ARFGAP3: variants seen among roughly 807,000 people sequenced by gnomAD.
ARFGAP3 encodes the protein ARF GTPase activating protein 3.
ARFGAP3 carries 72 observed loss-of-function variants against 75.0 expected under a neutral mutation model. That is an observed-to-expected ratio of 0.96 (90% CI 0.79 to 1.17). ARFGAP3 has a LOEUF of 1.17. Ranked by LOEUF, ARFGAP3 falls within the 50% of genes most tolerant of loss-of-function variation. ARFGAP3 has a pLI of 0.00. For synonymous variants in ARFGAP3, 221 were observed against 217.9 expected (o/e 1.01, Z -0.13); for missense variants, 620 against 626.6 (o/e 0.99, Z 0.11).
intron 2 of ARFGAP3, among the ~76,000 whole-genome samples, chr22:42,845,565 A>T (rs1193721545): frequency 6.6e-6 from 1 of 151,674 alleles, no homozygotes; most frequent in Non-Finnish European, 1.5e-5. Context: ...AACAAAAAAA[A>T]ACCCCAAGTT....
intron 2 of ARFGAP3, among the ~76,000 whole-genome samples, chr22:42,846,723 CATT>C (rs1245586685): frequency 6.6e-6 from 1 of 152,212 alleles, no homozygotes; most frequent in Non-Finnish European, 1.5e-5. Flanking sequence ...AGTGTCTCAT[CATT>C]GACATAAACT....
chr22:42,796,798 C>A lies in ARFGAP3; in HGVS notation c.*790G>T, dbSNP rs998406321. On this transcript the variant is annotated 3_prime_UTR_variant, in exon 16 of 16. Coordinates refer to ENST00000263245, the MANE Select transcript of ARFGAP3 (RefSeq NM_014570.5). ...TACAATGACTGTTCTCCCATACACG[C>A]AACTATTTTCTGTAGCTGTATCTTC... The A allele has an allele frequency of 7.9e-5, 12 of 152,212 alleles. No homozygotes were observed. The highest frequency in any genetic ancestry group is 7.8e-4 in the Admixed American group (12 of 15,288). 9.4% of individuals were successfully genotyped at this position (152,212 alleles called of 1,614,324 possible). A position where few individuals can be genotyped will look rare whatever the true frequency, so the allele number is the denominator to read the frequency against.
At chr22:42,854,635 A>G (rs1927420170) in intron 1 of ARFGAP3, among the ~76,000 whole-genome samples, 1 of 152,136 alleles carries the variant, frequency 6.6e-6, no homozygotes, top group Non-Finnish European at 1.5e-5. Flanking sequence ...AAGAAAAAAA[A>G]AAAGAAAGAA....
At chr22:42,803,678 C>T (rs1474555308) in intron 14 of ARFGAP3, among the ~76,000 whole-genome samples, 2 of 152,202 alleles carry the variant, frequency 1.3e-5, no homozygotes, top group Non-Finnish European at 2.9e-5. Context: ...GGGACTGTTG[C>T]TGTGCCAGGT....
intron 11 of ARFGAP3, among the ~76,000 whole-genome samples, chr22:42,816,225 C>A (rs1039410509): frequency 6.6e-6 from 1 of 152,214 alleles, no homozygotes; most frequent in Non-Finnish European, 1.5e-5. Flanking sequence ...CCATTCTAAA[C>A]GTGCTATAGC....
Position 42,834,332 on chromosome 22 carries a change from C to A in ARFGAP3, c.394-7G>T. The A allele has an allele frequency of 1.2e-6, 2 of 1,610,858 alleles. No homozygotes were observed. Among genetic ancestry groups the A allele is most frequent in the Admixed American group, 1.7e-5 (1 of 59,130 alleles). On this transcript the variant is annotated splice_polypyrimidine_tract_variant and splice_region_variant and intron_variant, in intron 4 of 15. Transcript: ENST00000263245. ...CACAACTATCAAGCCACAGCTAGAA[C>A]AAAAAAACAACACAGGGCTGAGCAT...
chr22:42,818,775 T>C (rs1330905461), intron 9 of ARFGAP3, among the ~76,000 whole-genome samples: 2 of 115,512 alleles, frequency 1.7e-5, no homozygotes, highest in Non-Finnish European at 4.0e-5. Context: ...CCTAGTAATA[T>C]AAATAAATTT....
chr22:42,809,365 G>A (rs980932252), intron 12 of ARFGAP3, among the ~76,000 whole-genome samples: 1 of 152,142 alleles, frequency 6.6e-6, no homozygotes, highest in African/African-American at 2.4e-5. Context: ...CCCTTCAGCA[G>A]GTGAATGGAT....
At chr22:42,824,161 C>T (rs1258560067) in intron 7 of ARFGAP3, among the ~76,000 whole-genome samples, 1 of 144,882 alleles carries the variant, frequency 6.9e-6, no homozygotes, top group African/African-American at 2.6e-5. Flanking sequence ...CGCACCACCA[C>T]ATCTGGCTAT....
At chr22:42,847,779 G>C in intron 1 of ARFGAP3, 147 bp from the exon 2 acceptor site, 4 of 902,616 alleles carry the variant, frequency 4.4e-6, no homozygotes, top group Non-Finnish European at 5.7e-6. Flanking sequence ...TCTCACCTAG[G>C]TTTTTTTAAA....
At chr22:42,808,975 C>T (rs550781223) in intron 12 of ARFGAP3, 85 bp from the exon 13 acceptor site, 278 of 1,332,462 alleles carry the variant, frequency 2.1e-4, no homozygotes, top group Non-Finnish European at 2.6e-4. Context: ...TTTAAAATGC[C>T]AACAGCAGTA....
At chr22:42,849,347 T>C (rs896836423) in intron 1 of ARFGAP3, among the ~76,000 whole-genome samples, 2 of 152,224 alleles carry the variant, frequency 1.3e-5, no homozygotes, top group African/African-American at 4.8e-5. Context: ...ACTGCCTCAC[T>C]CTGTCCAGGT....
chr22:42,846,494 A>C (rs1927025465), intron 2 of ARFGAP3, among the ~76,000 whole-genome samples: 1 of 152,264 alleles, frequency 6.6e-6, no homozygotes, highest in South Asian at 2.1e-4. Flanking sequence ...AAAAGGCCCC[A>C]TATGGGCTAT....
intron 1 of ARFGAP3, among the ~76,000 whole-genome samples, chr22:42,849,802 T>C (rs1211856395): frequency 6.6e-6 from 1 of 152,016 alleles, no homozygotes; most frequent in African/African-American, 2.4e-5. Flanking sequence ...CTCAAGCAAT[T>C]TGGGCCCTCT....
intron 1 of ARFGAP3, among the ~76,000 whole-genome samples, chr22:42,849,400 C>A (rs940993182): frequency 6.6e-6 from 1 of 152,212 alleles, no homozygotes. Context: ...CCGAGGACTA[C>A]GTTCCCTGCC....
At chr22:42,820,904 C>A (rs1365863240) in intron 9 of ARFGAP3, among the ~76,000 whole-genome samples, 1 of 152,194 alleles carries the variant, frequency 6.6e-6, no homozygotes, top group Non-Finnish European at 1.5e-5. Flanking sequence ...TCTTCCTGGC[C>A]TGGGTATCAC....
At chr22:42,835,014 T>C (rs1018674496) in intron 4 of ARFGAP3, among the ~76,000 whole-genome samples, 2 of 152,200 alleles carry the variant, frequency 1.3e-5, no homozygotes, top group Admixed American at 6.5e-5. Flanking sequence ...TTATAGTCCT[T>C]GGCTGTGAGT....
chr22:42,797,656 G>A, intron 15 of ARFGAP3, 51 bp from the exon 16 acceptor site: 2 of 1,613,880 alleles, frequency 1.2e-6, no homozygotes, highest in Non-Finnish European at 1.7e-6. Flanking sequence ...AGCGATCCCT[G>A]ACTCCCACGC....
At chr22:42,826,881 AT>A in intron 7 of ARFGAP3, 58 bp downstream of exon 7, 1 of 1,498,486 alleles carries the variant, frequency 6.7e-7, no homozygotes, top group Non-Finnish European at 9.1e-7. Flanking sequence ...AAGAGGATTT[AT>A]TTTTTTCTTA....
Sources: gnomAD v4.1 joint callset for allele counts (sites outside exome capture counted in the v4.1 genomes callset) on GRCh38, gnomAD v4.1.1 for gene constraint, MANE v1.5 for transcripts, NCBI Gene and HGNC (gene_info 2026-07-23, HGNC 2026-07-21) for gene names.